The following GRIP1 variants were observed in gnomAD, a reference collection of about 807,000 sequenced individuals.
The protein encoded by GRIP1 is glutamate receptor interacting protein 1, also known as glutamate receptor-interacting protein 1.
In GRIP1, 45 loss-of-function variants were observed where a neutral mutation model predicts 129.9. The observed-to-expected ratio is 0.35, with a 90% CI of 0.27 to 0.44. The LOEUF (loss-of-function observed/expected upper bound fraction) is 0.44, where lower values mean the gene tolerates loss of function less well. Ranked by LOEUF, GRIP1 falls within the 20% of genes least tolerant of loss-of-function variation. GRIP1 has a pLI of 1.00. For synonymous variants in GRIP1, 530 were observed against 520.8 expected (o/e 1.02, Z -0.24); for missense variants, 1,196 against 1,396.8 (o/e 0.86, Z 2.29).
intron 1 of GRIP1, among the ~76,000 whole-genome samples, chr12:66,780,458 C>G (rs2038121961): frequency 6.6e-6 from 1 of 152,176 alleles, no homozygotes; most frequent in African/African-American, 2.4e-5. Context: ...TGAATCTGAC[C>G]AGGTGGGCTC....
intron 1 of GRIP1, among the ~76,000 whole-genome samples, chr12:66,720,599 T>C (rs2036028851): frequency 1.3e-5 from 2 of 152,220 alleles, no homozygotes; most frequent in African/African-American, 4.8e-5. Flanking sequence ...ATTATATATC[T>C]TTCATTGTCA....
At chr12:66,814,983 C>T (rs2039179784) in intron 1 of GRIP1, among the ~76,000 whole-genome samples, 1 of 152,162 alleles carries the variant, frequency 6.6e-6, no homozygotes, top group Admixed American at 6.5e-5. Context: ...ATTACCTCCA[C>T]CTGGTCCTGC....
At chr12:66,696,033 G>A (rs545091246) in intron 1 of GRIP1, among the ~76,000 whole-genome samples, 7 of 152,046 alleles carry the variant, frequency 4.6e-5, no homozygotes, top group South Asian at 4.2e-4. Context: ...GAAAGAAAAC[G>A]GAAAAACTAA....
intron 1 of GRIP1, among the ~76,000 whole-genome samples, chr12:66,921,985 T>C (rs932580594): frequency 1.3e-5 from 2 of 152,256 alleles, no homozygotes; most frequent in Non-Finnish European, 2.9e-5. Context: ...AGGGGAATGT[T>C]GCTTCCATAA....
chr12:66,419,321 G>C (rs762270529), intron 15 of GRIP1, among the ~76,000 whole-genome samples: 1 of 152,092 alleles, frequency 6.6e-6, no homozygotes, highest in Non-Finnish European at 1.5e-5. Flanking sequence ...GGGGGTCAGC[G>C]TGGGGAAAGT....
chr12:66,948,905 G>A (rs916703550), intron 1 of GRIP1, among the ~76,000 whole-genome samples: 5 of 152,012 alleles, frequency 3.3e-5, no homozygotes, highest in Non-Finnish European at 7.4e-5. Context: ...TTTATTTTAC[G>A]CCTACTTTCA....
intron 1 of GRIP1, among the ~76,000 whole-genome samples, chr12:66,853,140 G>A (rs977568620): frequency 2.6e-5 from 4 of 151,450 alleles, no homozygotes; most frequent in African/African-American, 4.9e-5. Context: ...TTTTTCTTCC[G>A]ACTGTAATTC....
intron 7 of GRIP1, among the ~76,000 whole-genome samples, chr12:66,498,128 TCC>T (rs1210065645): frequency 2.0e-5 from 3 of 152,136 alleles, no homozygotes; most frequent in Admixed American, 6.5e-5. Context: ...CTTCGCTGAC[TCC>T]CTTTTCGGAC....
chr12:66,598,016 C>A (rs370489309), intron 1 of GRIP1, among the ~76,000 whole-genome samples: 2 of 151,650 alleles, frequency 1.3e-5, no homozygotes, highest in Admixed American at 1.3e-4. Flanking sequence ...CTGCTGGCCA[C>A]GCTATAAGAT....
chr12:66,616,163 T>G (rs915340201), intron 1 of GRIP1, among the ~76,000 whole-genome samples: 1 of 152,110 alleles, frequency 6.6e-6, no homozygotes, highest in African/African-American at 2.4e-5. Context: ...GATATAATGA[T>G]GTACATAATG....
Position 66,651,231 on chromosome 12 carries a change from T to C in GRIP1, c.55+27619A>G, listed in dbSNP as rs1354026223. On this transcript the variant is annotated intron_variant, in intron 1 of 24. Coordinates refer to ENST00000359742, the MANE Select transcript of GRIP1 (RefSeq NM_001366722.1). ...AAAAGAAACCTAGAATTTCATTCCC[T>C]GTATCCATTTATCTCCTTAAATTTA... 5.9e-5 allele frequency among the ~76,000 whole-genome samples: 9 copies of C among 152,232 alleles called. No individual in the cohort carries two copies. In the East Asian group the frequency reaches 1.7e-3, roughly 29 times the overall value.
At chr12:66,553,573 C>A (rs757277063) in intron 2 of GRIP1, among the ~76,000 whole-genome samples, 5 of 138,138 alleles carry the variant, frequency 3.6e-5, no homozygotes, top group Admixed American at 7.5e-5. Context: ...ACTATCTACA[C>A]AGGAAAAGCA....
rs552026813 is a variant in GRIP1, at chr12:66,930,589, C to T, written c.58+138461G>A. Among the ~76,000 whole-genome samples, 3 of 152,072 alleles carry T rather than the reference C, an allele frequency of 2.0e-5. No individual in the cohort carries two copies. The East Asian group carries it at 5.8e-4, about 29-fold the overall frequency. ...CATACTTGTGCATGTGTCTTTATAGCGGAGACTCTCCCCTCACTAGTCAAT... is the reference window on the plus strand; with the variant it reads ...CATACTTGTGCATGTGTCTTTATAGTGGAGACTCTCCCCTCACTAGTCAAT... On this transcript the variant is annotated intron_variant, in intron 1 of 1. Transcript: ENST00000643019.
At chr12:66,885,656 T>G (rs2040554029) in intron 1 of GRIP1, among the ~76,000 whole-genome samples, 1 of 152,072 alleles carries the variant, frequency 6.6e-6, no homozygotes, top group Admixed American at 6.5e-5. Context: ...TGGGATGAGA[T>G]AGCTCAGCAA....
chr12:67,031,283 A>C (rs1024798241), intron 1 of GRIP1, among the ~76,000 whole-genome samples: 8 of 152,224 alleles, frequency 5.3e-5, no homozygotes, highest in Non-Finnish European at 7.3e-5. Context: ...AAGCCTTCTC[A>C]AAGCAAACTT....
intron 4 of GRIP1, among the ~76,000 whole-genome samples, chr12:66,534,178 T>C (rs2139148923): frequency 6.6e-6 from 1 of 152,336 alleles, no homozygotes; most frequent in South Asian, 2.1e-4. Flanking sequence ...TAGACCCCTT[T>C]TGATTTCCGT....
intron 1 of GRIP1, among the ~76,000 whole-genome samples, chr12:66,642,342 C>T (rs11615485): frequency 0.2 from 29,732 of 151,930 alleles, 3,052 homozygotes; most frequent in Non-Finnish European, 0.23. Flanking sequence ...CACCATGTGC[C>T]TGGTGCAGTC....
chr12:66,871,990 C>T (rs1332057620), intron 1 of GRIP1, among the ~76,000 whole-genome samples: 1 of 152,060 alleles, frequency 6.6e-6, no homozygotes, highest in Non-Finnish European at 1.5e-5. Flanking sequence ...TTTAATACAA[C>T]CCAGCTCATA....
intron 1 of GRIP1, among the ~76,000 whole-genome samples, chr12:66,874,583 T>C (rs1566060589): frequency 6.6e-6 from 1 of 152,026 alleles, no homozygotes; most frequent in Admixed American, 6.6e-5. Context: ...TCAGGAAACT[T>C]ACAATCATGG....
Sources: allele counts gnomAD v4.1 joint callset (sites outside exome capture counted in the v4.1 genomes callset), GRCh38; gene constraint gnomAD v4.1.1; transcripts MANE v1.5; gene names NCBI Gene and HGNC (gene_info 2026-07-23, HGNC 2026-07-21).